Variants in ITPR1 observed in about 807,000 individuals in gnomAD.
The protein encoded by ITPR1 is inositol 1,4,5-trisphosphate-gated calcium channel ITPR1.
ITPR1 carries 96 observed loss-of-function variants against 318.4 expected under a neutral mutation model. The observed-to-expected ratio is 0.30, with a 90% confidence interval of 0.26 to 0.36. The LOEUF is 0.36. Among genes scored for constraint, ITPR1 ranks in the 10% least tolerant of loss-of-function variants. The probability of loss-of-function intolerance (pLI) is 1.00; values close to 1 mark genes in which losing one functional copy is unlikely to be tolerated. For synonymous variants in ITPR1, 1,312 were observed against 1,289.9 expected, an observed-to-expected ratio of 1.02 and a Z score of -0.37; for missense variants, 2,440 against 3,460.2, an observed-to-expected ratio of 0.71 and a Z score of 7.40.
intron 58 of ITPR1, 183 bp downstream of exon 58, chr3:4,814,745 A>C: frequency 1.5e-6 from 1 of 649,138 alleles, no homozygotes; most frequent in South Asian, 2.0e-5. Flanking sequence ...GGTGCCGCAA[A>C]GTCAGCTGCG....
intron 59 of ITPR1, 109 bp downstream of exon 59, chr3:4,815,327 G>C: frequency 2.1e-6 from 2 of 971,964 alleles, no homozygotes; most frequent in Non-Finnish European, 3.1e-6. Context: ...TTATGCGGGA[G>C]GGGGCACCGG....
intron 4 of ITPR1, among the ~76,000 whole-genome samples, chr3:4,553,660 G>T (rs2085816163): frequency 6.7e-6 from 1 of 148,300 alleles, no homozygotes; most frequent in African/African-American, 2.5e-5. Flanking sequence ...GAGTGCAATG[G>T]CATGATCTCA....
chr3:4,528,394 G>T (rs1375483521), intron 4 of ITPR1, among the ~76,000 whole-genome samples: 1 of 152,200 alleles, frequency 6.6e-6, no homozygotes, highest in Non-Finnish European at 1.5e-5. Flanking sequence ...GGGGACACAG[G>T]CAGGGTCTTG....
chr3:4,758,218 T>A (rs2045156440), intron 44 of ITPR1, among the ~76,000 whole-genome samples: 1 of 152,132 alleles, frequency 6.6e-6, no homozygotes, highest in African/African-American at 2.4e-5. Flanking sequence ...TTCTCTGGAT[T>A]CTCTCAAGGC....
chr3:4,735,096 T>A (rs1156380030), intron 43 of ITPR1, 68 bp from the exon 44 acceptor site: 2 of 1,242,568 alleles, frequency 1.6e-6, no homozygotes, highest in Non-Finnish European at 1.2e-6. Context: ...TGTTGGTGCG[T>A]AGTAAGTATG....
Position 4,673,309 on chromosome 3 carries a change from G to A in ITPR1, c.2378G>A (p.Arg793Gln). 3.7e-6 allele frequency: 6 copies of A among 1,613,912 alleles called. No individual in the cohort carries two copies. Among genetic ancestry groups the A allele is most frequent in the Non-Finnish European group, 5.1e-6 (6 of 1,179,852 alleles). ...CRLMLHMHVD[R>Q]DPQEQVTPVK... ...CTCATGCTTCACATGCATGTGGACCGAGATCCCCAGGAACAAGTCACCCCC... is the reference window on the plus strand; with the variant it reads ...CTCATGCTTCACATGCATGTGGACCAAGATCCCCAGGAACAAGTCACCCCC... The change falls in exon 21 of 62, where the codon CGA becomes CAA. Residue 793 changes from arginine to glutamine, a missense_variant. Arg to Gln is a conservative substitution (Grantham distance 43). Coordinates refer to ENST00000649015, the MANE Select transcript of ITPR1 (RefSeq NM_001378452.1).
In ITPR1 at chr3:4,835,887, T is replaced by C. The variant is rs144382133; in HGVS notation, c.8029-887T>C. Among the ~76,000 whole-genome samples, 55 of 152,258 alleles carry C rather than the reference T, an allele frequency of 3.6e-4. No individual in the cohort carries two copies. The East Asian group carries it at 9.8e-3, about 27-fold the overall frequency. On this transcript the variant is annotated intron_variant, in intron 60 of 61. Coordinates refer to ENST00000649015, the MANE Select transcript of ITPR1 (RefSeq NM_001378452.1). The stretch of plus-strand genomic sequence containing the variant: ...GCTATAGACATCAAAAGGATGGGGA[T>C]GGACGGGGGAGGAAACTGAATGGGC...
chr3:4,673,897 A>G (rs533531115), intron 21 of ITPR1, among the ~76,000 whole-genome samples: 2 of 152,220 alleles, frequency 1.3e-5, no homozygotes, highest in African/African-American at 2.4e-5. Flanking sequence ...TGTATTTTTT[A>G]TATCTCATTT....
At position 4,660,981 on chromosome 3, in the gene ITPR1, C is replaced by T. The variant is rs1183268061; in HGVS notation, c.1152-7C>T. On this transcript the variant is annotated splice_polypyrimidine_tract_variant and splice_region_variant and intron_variant, in intron 13 of 61. Coordinates refer to ENST00000649015, the MANE Select transcript of ITPR1 (RefSeq NM_001378452.1). ...TTTCCCTAAAACCCTCCTTTTTTCC[C>T]TGTTAGGAACTCTTATGTTCGGCTC... 4.0e-6 allele frequency: 6 copies of T among 1,489,130 alleles called. No individual in the cohort carries two copies. The highest frequency in any genetic ancestry group is 5.6e-6 in the Non-Finnish European group (6 of 1,081,018). The allele number at this position is 1,489,130 out of a possible 1,614,324, so 92.2% of individuals were successfully genotyped here.
In ITPR1 at chr3:4,653,874, G is replaced by A. The variant is rs866071662; in HGVS notation, c.984G>A (p.Glu328=). 6.2e-7 allele frequency: 1 copy of A among 1,610,758 alleles called. No homozygotes were observed. Among genetic ancestry groups the A allele is most frequent in the Middle Eastern group, 1.7e-4 (1 of 6,056 alleles). ...CTGACTTTGAGGAAGAATGCCTGGA[G>A]TTTCAGCCCTCAGTAAGTATGGACA... The part of the protein sequence containing the change: ...VDPDFEEECL[E]FQPSVDPDQD... The change falls in exon 12 of 62, where the codon GAG becomes GAA. Residue 328 remains glutamate (E), a synonymous_variant. Transcript: ENST00000649015.
At chr3:4,579,560 G>A (rs1204404122) in intron 4 of ITPR1, among the ~76,000 whole-genome samples, 1 of 152,312 alleles carries the variant, frequency 6.6e-6, no homozygotes, top group East Asian at 1.9e-4. Context: ...CTTAGAGAAA[G>A]GAAATATTGG....
chr3:4,545,413 A>G (rs1238527556), intron 4 of ITPR1, among the ~76,000 whole-genome samples: 2 of 152,026 alleles, frequency 1.3e-5, no homozygotes, highest in African/African-American at 2.4e-5. Flanking sequence ...ACTTGAGCCC[A>G]GGAGTTTGAG....
intron 7 of ITPR1, 39 bp from the exon 8 acceptor site, chr3:4,644,097 C>A: frequency 7.3e-7 from 1 of 1,367,752 alleles, no homozygotes; most frequent in Non-Finnish European, 1.0e-6. Flanking sequence ...CAGTCCTTAT[C>A]AGTTTTGTGC....
At chr3:4,682,199 C>T (rs967337495) in intron 26 of ITPR1, among the ~76,000 whole-genome samples, 4 of 152,214 alleles carry the variant, frequency 2.6e-5, no homozygotes, top group Non-Finnish European at 5.9e-5. Context: ...GAGGTGGTAA[C>T]TGGGGCTGGC....
Position 4,800,447 on chromosome 3 carries a change from G to A in ITPR1, c.6954G>A (p.Ser2318=), listed in dbSNP as rs766889587. 1.5e-5 allele frequency: 25 copies of A among 1,613,770 alleles called. No individual in the cohort carries two copies. Among genetic ancestry groups the A allele is most frequent in the East Asian group, 2.2e-5 (1 of 44,898 alleles). ...VRGGTLEPHW[S]GLLWTAMLIS... Reference sequence around the variant, plus strand: ...CAGGAACCCTGGAGCCCCACTGGTCGGGACTCCTGTGGACAGCCATGCTCA... The same window carrying A: ...CAGGAACCCTGGAGCCCCACTGGTCAGGACTCCTGTGGACAGCCATGCTCA... Residue 2318 remains serine, a synonymous_variant, in exon 54 of 62, where the codon TCG becomes TCA. Transcript: ENST00000649015.
chr3:4,811,187 A>G, intron 55 of ITPR1, 78 bp from the exon 56 acceptor site: 1 of 1,058,104 alleles, frequency 9.5e-7, no homozygotes, highest in Non-Finnish European at 1.3e-6. Context: ...ACTCTCTATA[A>G]ACCAAGTTTG....
intron 8 of ITPR1, 92 bp downstream of exon 8, chr3:4,644,326 A>G (rs996971867): frequency 1.2e-6 from 1 of 825,230 alleles, no homozygotes; most frequent in Non-Finnish European, 2.0e-6. Flanking sequence ...GAGTGACTTC[A>G]GCAGTGACTT....
intron 3 of ITPR1, among the ~76,000 whole-genome samples, chr3:4,518,647 G>A (rs2082333516): frequency 6.6e-6 from 1 of 152,132 alleles, no homozygotes; most frequent in African/African-American, 2.4e-5. Context: ...TTATATAGAT[G>A]GTGGTTACCT....
At position 4,516,603 on chromosome 3, in the gene ITPR1, T is replaced by C; in HGVS notation, c.92+20T>C. The C allele has an allele frequency of 6.8e-7, 1 of 1,463,784 alleles. No homozygotes were observed. The highest frequency in any genetic ancestry group is 9.5e-7 in the Non-Finnish European group (1 of 1,049,758). The allele number at this position is 1,463,784 out of a possible 1,614,324, so 90.7% of individuals were successfully genotyped here. On this transcript the variant is annotated intron_variant, in intron 3 of 61. Transcript: ENST00000649015. ...CTTGGGGTAAGAGCATGCAATTTCTTGTGTGGCACGGTTTGTTTAAGACAT... is the reference window on the plus strand; with the variant it reads ...CTTGGGGTAAGAGCATGCAATTTCTCGTGTGGCACGGTTTGTTTAAGACAT...
Sources: gnomAD v4.1 joint callset for allele counts (sites outside exome capture counted in the v4.1 genomes callset) on GRCh38, gnomAD v4.1.1 for gene constraint, MANE v1.5 for transcripts, NCBI Gene and HGNC (gene_info 2026-07-23, HGNC 2026-07-21) for gene names.